Variants in POLE2 observed in about 807,000 individuals in gnomAD.
POLE2 encodes DNA polymerase epsilon 2, accessory subunit.
Under a neutral mutation model 79.4 loss-of-function variants are expected in POLE2, and 56 were observed. The ratio of observed to expected loss-of-function variants is 0.71; its 90% confidence interval spans 0.57 to 0.88. The LOEUF is 0.88. Among genes scored for constraint, POLE2 ranks in the 40% least tolerant of loss-of-function variants. The pLI is 0.00. For synonymous variants in POLE2, 212 were observed against 214.0 expected, an observed-to-expected ratio of 0.99 and a Z score of 0.08; for missense variants, 598 against 638.9, an observed-to-expected ratio of 0.94 and a Z score of 0.69.
intron 3 of POLE2, among the ~76,000 whole-genome samples, chr14:49,676,450 G>A (rs777150417): frequency 1.3e-5 from 2 of 152,148 alleles, no homozygotes; most frequent in African/African-American, 2.4e-5. Context: ...GTAAGTTATT[G>A]AACTTCTCAT....
intron 18 of POLE2, 58 bp from the exon 19 acceptor site, chr14:49,643,728 G>C: frequency 2.3e-6 from 2 of 871,946 alleles, no homozygotes; most frequent in South Asian, 3.1e-5. Context: ...CTTACTAATA[G>C]TTGTAGTTAA....
intron 18 of POLE2, among the ~76,000 whole-genome samples, chr14:49,643,875 CTTTTTTT>C (rs11361567): frequency 1.1e-4 from 6 of 53,206 alleles, no homozygotes; most frequent in Admixed American, 9.5e-4. Flanking sequence ...AAATGTATGT[CTTTTTTT>C]TTTTTTTTTT....
intron 10 of POLE2, 79 bp from the exon 11 acceptor site, chr14:49,655,922 G>A: frequency 1.4e-6 from 1 of 718,194 alleles, no homozygotes; most frequent in Non-Finnish European, 2.3e-6. Context: ...TAGCTTCTTT[G>A]TATCTAATGA....
At chr14:49,647,715 C>G (rs1883887662) in intron 17 of POLE2, among the ~76,000 whole-genome samples, 1 of 152,184 alleles carries the variant, frequency 6.6e-6, no homozygotes, top group African/African-American at 2.4e-5. Flanking sequence ...ACCTCGGCCT[C>G]TCAGAGTGCT....
At chr14:49,656,189 A>G (rs891415289) in intron 10 of POLE2, among the ~76,000 whole-genome samples, 2 of 152,016 alleles carry the variant, frequency 1.3e-5, no homozygotes, top group Non-Finnish European at 2.9e-5. Context: ...CCCCATCTCT[A>G]CTAACAATAC....
chr14:49,663,750 C>T (rs1188525031), intron 9 of POLE2, among the ~76,000 whole-genome samples: 1 of 151,996 alleles, frequency 6.6e-6, no homozygotes, highest in African/African-American at 2.4e-5. Flanking sequence ...AATTCAGGGC[C>T]GGGTGCAGTG....
intron 8 of POLE2, 27 bp from the exon 9 acceptor site, chr14:49,664,701 C>G (rs765458734): frequency 1.4e-6 from 2 of 1,446,358 alleles, no homozygotes; most frequent in Admixed American, 1.7e-5. Context: ...GAAAATAATT[C>G]TATTCTTGAG....
chr14:49,670,449 C>A (rs1885806564), intron 5 of POLE2, among the ~76,000 whole-genome samples: 1 of 151,830 alleles, frequency 6.6e-6, no homozygotes, highest in African/African-American at 2.4e-5. Flanking sequence ...TGAGACAAGG[C>A]CAGAGATTAA....
At chr14:49,686,278 T>A (rs185298850) in intron 1 of POLE2, among the ~76,000 whole-genome samples, 1 of 152,174 alleles carries the variant, frequency 6.6e-6, no homozygotes, top group East Asian at 1.9e-4. Context: ...GTAAAAAAAA[T>A]TTAAAAATAA....
In POLE2 at chr14:49,688,194, C is replaced by G. The variant is rs1177783026; in HGVS notation, c.10G>C (p.Glu4Gln). The G allele has an allele frequency of 1.3e-6, 2 of 1,532,410 alleles. No individual in the cohort carries two copies. The highest frequency in any genetic ancestry group is 8.8e-7 in the Non-Finnish European group (1 of 1,141,300). 94.9% of individuals were successfully genotyped at this position (1,532,410 alleles called of 1,614,324 possible). ...GAGAGCGCCCGGCTCCGCAGCCGCTCCGGCGCCATATTTGCGATTTGGCGC... is the reference window on the plus strand; with the variant it reads ...GAGAGCGCCCGGCTCCGCAGCCGCTGCGGCGCCATATTTGCGATTTGGCGC... MAP[E>Q]RLRSRALSAF... The change falls in exon 1 of 19, where the codon GAG (glutamate) becomes CAG (glutamine). Residue 4 changes from glutamate to glutamine, a missense_variant. Physicochemically the swap from Glu to Gln is conservative, Grantham distance 29. Coordinates refer to ENST00000216367, the MANE Select transcript of POLE2 (RefSeq NM_002692.4).
At chr14:49,687,300 CCACACACACA>C (rs60811856) in intron 1 of POLE2, among the ~76,000 whole-genome samples, 38 of 139,828 alleles carry the variant, frequency 2.7e-4, no homozygotes, top group South Asian at 7.1e-4. Context: ...TACACACACA[CCACACACACA>C]CACACACACA....
intron 18 of POLE2, among the ~76,000 whole-genome samples, chr14:49,644,813 G>A (rs767285226): frequency 2.5e-4 from 38 of 152,016 alleles, no homozygotes; most frequent in Non-Finnish European, 2.5e-4. Context: ...GGCCAAGACC[G>A]GTGGATCACC....
At chr14:49,650,942 A>G (rs1884175581) in intron 16 of POLE2, among the ~76,000 whole-genome samples, 1 of 152,238 alleles carries the variant, frequency 6.6e-6, no homozygotes, top group African/African-American at 2.4e-5. Context: ...TATGTAACCA[A>G]TGGGATAAAT....
intron 3 of POLE2, among the ~76,000 whole-genome samples, chr14:49,675,493 G>T (rs1412548920): frequency 6.6e-6 from 1 of 152,080 alleles, no homozygotes; most frequent in African/African-American, 2.4e-5. Flanking sequence ...AGGCTGGGGT[G>T]TGATCTTGGC....
chr14:49,679,835 CAAA>C, intron 2 of POLE2, 35 bp from the exon 3 acceptor site: 2 of 934,804 alleles, frequency 2.1e-6, no homozygotes, highest in Admixed American at 2.4e-5. Context: ...AATTTAAAAA[CAAA>C]AAAAAAAATA....
At chr14:49,659,677 C>T (rs1332544486) in intron 10 of POLE2, among the ~76,000 whole-genome samples, 1 of 152,134 alleles carries the variant, frequency 6.6e-6, no homozygotes, top group Non-Finnish European at 1.5e-5. Flanking sequence ...AACTCCTGGG[C>T]TCAAGCAATG....
intron 18 of POLE2, chr14:49,647,077 G>T: frequency 2.7e-6 from 1 of 367,198 alleles, no homozygotes; most frequent in Non-Finnish European, 4.9e-6. Flanking sequence ...ATTTCCCCCA[G>T]AAAACAGTTC....
intron 1 of POLE2, among the ~76,000 whole-genome samples, chr14:49,686,623 C>T (rs554307170): frequency 5.1e-4 from 77 of 152,286 alleles, no homozygotes; most frequent in Non-Finnish European, 9.4e-4. Flanking sequence ...ATTTGTCACG[C>T]AGCAATAGAA....
At chr14:49,660,269 G>C (rs1885007729) in intron 10 of POLE2, among the ~76,000 whole-genome samples, 1 of 152,106 alleles carries the variant, frequency 6.6e-6, no homozygotes, top group African/African-American at 2.4e-5. Flanking sequence ...ATATCATCTA[G>C]GTTTGTATAA....
Sources: gnomAD v4.1 joint callset for allele counts (sites outside exome capture counted in the v4.1 genomes callset) on GRCh38, gnomAD v4.1.1 for gene constraint, MANE v1.5 for transcripts, NCBI Gene and HGNC (gene_info 2026-07-23, HGNC 2026-07-21) for gene names.